The following ADAMTS17 variants were observed in gnomAD, a reference collection of about 807,000 sequenced individuals.
The protein encoded by ADAMTS17 is ADAM metallopeptidase with thrombospondin type 1 motif 17, also known as A disintegrin and metalloproteinase with thrombospondin motifs 17.
In ADAMTS17, 113 loss-of-function variants were observed where a neutral mutation model predicts 141.5. The observed-to-expected ratio is 0.80, with a 90% CI of 0.69 to 0.93. ADAMTS17 has a LOEUF of 0.93. Ranked by LOEUF, ADAMTS17 falls within the 40% of genes least tolerant of loss-of-function variation. The pLI is 0.00. For synonymous variants in ADAMTS17, 768 were observed against 630.6 expected (o/e 1.22, Z -3.27); for missense variants, 1,659 against 1,517.9 (o/e 1.09, Z -1.54).
chr15:100,144,329 A>G (rs1389623302), intron 10 of ADAMTS17, among the ~76,000 whole-genome samples: 2 of 152,142 alleles, frequency 1.3e-5, no homozygotes, highest in Admixed American at 6.5e-5. Flanking sequence ...AGGCGGGTGG[A>G]TCACCTGAGG....
rs1567270796 is a variant in ADAMTS17 at position 100,155,326 on chromosome 15, CAAG to C, written c.1182-9_1182-7del. 5 of 1,612,836 alleles carry C rather than the reference CAAG, an allele frequency of 3.1e-6. No homozygotes were observed. The highest frequency in any genetic ancestry group is 2.2e-5 in the South Asian group (2 of 90,838). ...CGTCGTGGTTCATGCCCAAGCTGTC[CAAG>C]AAGGAGGAGAGAGGGATGCTTATGC... On this transcript the variant is annotated splice_region_variant and splice_polypyrimidine_tract_variant and intron_variant, in intron 8 of 21. Coordinates refer to ENST00000268070, the MANE Select transcript of ADAMTS17 (RefSeq NM_139057.4).
chr15:100,296,491 T>C (rs1053689268), intron 3 of ADAMTS17, among the ~76,000 whole-genome samples: 2 of 152,142 alleles, frequency 1.3e-5, no homozygotes, highest in African/African-American at 4.8e-5. Context: ...CAAGACCAAG[T>C]CATTTTTATA....
intron 14 of ADAMTS17, among the ~76,000 whole-genome samples, chr15:100,098,312 T>C (rs2035888011): frequency 6.6e-6 from 1 of 152,036 alleles, no homozygotes; most frequent in Non-Finnish European, 1.5e-5. Context: ...AGATTCTCGG[T>C]GTGGACTGCT....
chr15:100,057,974 A>G (rs2032735119), intron 15 of ADAMTS17, among the ~76,000 whole-genome samples: 1 of 152,028 alleles, frequency 6.6e-6, no homozygotes, highest in Admixed American at 6.5e-5. Context: ...AAAAAAGCTA[A>G]TCACGATGAG....
chr15:100,208,815 G>C (rs1480951), intron 7 of ADAMTS17, among the ~76,000 whole-genome samples: 49,659 of 152,064 alleles, frequency 0.33, 8,297 homozygotes, highest in Middle Eastern at 0.41. Flanking sequence ...GGACAATTTA[G>C]ATAAGGGTAT....
intron 7 of ADAMTS17, among the ~76,000 whole-genome samples, chr15:100,206,114 G>A (rs1596274333): frequency 6.6e-6 from 1 of 152,366 alleles, no homozygotes; most frequent in East Asian, 1.9e-4. Flanking sequence ...GGGAGCAACG[G>A]CGGGCGGCAC....
chr15:100,023,805 C>T (rs752343029), intron 18 of ADAMTS17, among the ~76,000 whole-genome samples: 3 of 152,320 alleles, frequency 2.0e-5, no homozygotes, highest in Non-Finnish European at 2.9e-5. Flanking sequence ...ATGATCTTTG[C>T]GCTGATCTCC....
At chr15:100,313,819 G>A (rs1172063223) in intron 3 of ADAMTS17, among the ~76,000 whole-genome samples, 5 of 135,226 alleles carry the variant, frequency 3.7e-5, no homozygotes, top group Admixed American at 2.2e-4. Context: ...ATGAAGAAAC[G>A]TCAGACAAAA....
At chr15:100,164,531 C>T (rs908144949) in intron 8 of ADAMTS17, among the ~76,000 whole-genome samples, 1 of 152,148 alleles carries the variant, frequency 6.6e-6, no homozygotes, top group African/African-American at 2.4e-5. Flanking sequence ...CACCAAAGTG[C>T]CTGGCAGTAG....
intron 20 of ADAMTS17, among the ~76,000 whole-genome samples, chr15:99,982,933 C>A (rs934588844): frequency 6.6e-6 from 1 of 152,100 alleles, no homozygotes; most frequent in Non-Finnish European, 1.5e-5. Context: ...CTGGAAAAAA[C>A]AGGAACAAAA....
rs183877318 is a variant in ADAMTS17, at chr15:100,341,438, C to T, written c.80-29G>A. 0.068 allele frequency: 68,473 copies of T among 1,011,714 alleles called. 2,409 individuals are homozygous for T. The highest frequency in any genetic ancestry group is 0.071 in the Non-Finnish European group (60,288 of 848,878). 62.7% of individuals were successfully genotyped at this position (1,011,714 alleles called of 1,614,324 possible). ...CGGGGAGAGAGGAGACGCGTCAGCG[C>T]GGCGGGGCCCGCCCGGACGCCCGCC... is the stretch of plus-strand genomic sequence containing the variant. On this transcript the variant is annotated intron_variant, in intron 1 of 21. Transcript: ENST00000268070.
At chr15:100,293,168 G>A (rs1410408567) in intron 3 of ADAMTS17, among the ~76,000 whole-genome samples, 1 of 152,104 alleles carries the variant, frequency 6.6e-6, no homozygotes, top group Non-Finnish European at 1.5e-5. Flanking sequence ...AGTTATTATC[G>A]CACCCAGAAG....
intron 2 of ADAMTS17, among the ~76,000 whole-genome samples, chr15:100,336,595 G>A (rs1188675753): frequency 1.3e-5 from 2 of 152,112 alleles, no homozygotes; most frequent in African/African-American, 2.4e-5. Context: ...TTAGGACTAC[G>A]TACCTTCCTC....
At chr15:100,051,337 A>G (rs1178166652) in intron 17 of ADAMTS17, among the ~76,000 whole-genome samples, 1 of 152,212 alleles carries the variant, frequency 6.6e-6, no homozygotes, top group African/African-American at 2.4e-5. Context: ...CCCATAGGTC[A>G]GAGCTGTGGG....
At chr15:100,152,246 G>A (rs1349256555) in intron 10 of ADAMTS17, among the ~76,000 whole-genome samples, 6 of 152,116 alleles carry the variant, frequency 3.9e-5, no homozygotes, top group South Asian at 2.1e-4. Context: ...AGTGTCCTGC[G>A]TCTCTAGTGT....
In ADAMTS17 at chr15:100,177,707, A is replaced by G. The variant is rs778473714; in HGVS notation, c.1181+21611T>C. On this transcript the variant is annotated intron_variant, in intron 8 of 21. Coordinates refer to ENST00000268070, the MANE Select transcript of ADAMTS17 (RefSeq NM_139057.4). ...TATCCTTGCTAATTTTCTGTCTAAT[A>G]TTTTTATCAATTGCTGAGAGGGAGG... Among the ~76,000 whole-genome samples, 38 of 152,248 alleles carry G rather than the reference A, an allele frequency of 2.5e-4. 1 individual carries two copies. The highest frequency in any genetic ancestry group is 4.4e-4 in the Non-Finnish European group (30 of 67,988).
Position 100,330,744 on chromosome 15 carries a change from G to C in ADAMTS17, c.616+145C>G, listed in dbSNP as rs1279781571. The C allele has an allele frequency of 4.0e-6, 4 of 993,844 alleles. No homozygotes were observed. In the East Asian group the frequency reaches 7.5e-5, roughly 19 times the overall value. 61.6% of individuals were successfully genotyped at this position (993,844 alleles called of 1,614,324 possible). ...CACTAAGACACATAGAAAGGAAAAG[G>C]AAGTGGTCTCAGGGCAATAAAACAG... is the stretch of plus-strand genomic sequence containing the variant. On this transcript the variant is annotated intron_variant, in intron 3 of 21. Coordinates refer to ENST00000268070, the MANE Select transcript of ADAMTS17 (RefSeq NM_139057.4).
intron 8 of ADAMTS17, among the ~76,000 whole-genome samples, chr15:100,181,903 A>C (rs2040538860): frequency 6.6e-6 from 1 of 152,238 alleles, no homozygotes; most frequent in African/African-American, 2.4e-5. Context: ...TAGCAGTTTC[A>C]GTCCTTGTGG....
chr15:100,233,080 G>A (rs1219631814), intron 7 of ADAMTS17, among the ~76,000 whole-genome samples: 1 of 152,194 alleles, frequency 6.6e-6, no homozygotes, highest in Non-Finnish European at 1.5e-5. Flanking sequence ...TATAATCCTA[G>A]CACTTTGGGA....
Sources: allele counts gnomAD v4.1 joint callset (sites outside exome capture counted in the v4.1 genomes callset), GRCh38; gene constraint gnomAD v4.1.1; transcripts MANE v1.5; gene names NCBI Gene and HGNC (gene_info 2026-07-23, HGNC 2026-07-21).